Variants in KHDRBS2 observed in about 807,000 individuals in gnomAD.
KHDRBS2 encodes the protein KH RNA binding domain containing, signal transduction associated 2, also known as KH domain-containing, RNA-binding, signal transduction-associated protein 2.
In KHDRBS2, 26 loss-of-function variants were observed where a neutral mutation model predicts 44.3. The ratio of observed to expected loss-of-function variants is 0.59; its 90% CI spans 0.43 to 0.81. KHDRBS2 has a LOEUF of 0.81. Ranked by LOEUF, KHDRBS2 falls within the 40% of genes least tolerant of loss-of-function variation. The pLI is 0.00. For missense variants in KHDRBS2, 476 were observed against 433.1 expected (o/e 1.10, Z -0.88); for synonymous variants, 194 against 151.1 (o/e 1.28, Z -2.08).
chr6:62,105,045 G>C (rs570633205), intron 2 of KHDRBS2, among the ~76,000 whole-genome samples: 2 of 152,032 alleles, frequency 1.3e-5, no homozygotes, highest in Non-Finnish European at 2.9e-5. Context: ...AGAAAACGTG[G>C]ACAAATTCAT....
At chr6:61,888,208 C>T (rs1410625497) in intron 6 of KHDRBS2, among the ~76,000 whole-genome samples, 1 of 152,202 alleles carries the variant, frequency 6.6e-6, no homozygotes, top group East Asian at 1.9e-4. Flanking sequence ...CTTCTCCCCT[C>T]CTCTACCTTT....
At chr6:61,957,570 C>T (rs1352779505) in intron 4 of KHDRBS2, among the ~76,000 whole-genome samples, 2 of 152,184 alleles carry the variant, frequency 1.3e-5, no homozygotes, top group African/African-American at 4.8e-5. Flanking sequence ...TCCCGTAGTG[C>T]TCCCAGGCTC....
At chr6:62,094,041 C>A (rs1256649346) in intron 2 of KHDRBS2, among the ~76,000 whole-genome samples, 5 of 151,756 alleles carry the variant, frequency 3.3e-5, no homozygotes, top group Non-Finnish European at 7.4e-5. Flanking sequence ...GGATATAATA[C>A]CCAGTAGCGG....
At chr6:61,787,929 G>A (rs975150978) in intron 6 of KHDRBS2, among the ~76,000 whole-genome samples, 11 of 151,536 alleles carry the variant, frequency 7.3e-5, no homozygotes, top group Admixed American at 1.3e-4. Flanking sequence ...GTTACTTTAT[G>A]CATAGTTCTG....
chr6:61,798,760 T>C (rs898133859), intron 6 of KHDRBS2, among the ~76,000 whole-genome samples: 3 of 152,026 alleles, frequency 2.0e-5, no homozygotes, highest in African/African-American at 7.2e-5. Flanking sequence ...TCCAGTGCTT[T>C]TACTCTCAAA....
At position 61,999,526 on chromosome 6, in the gene KHDRBS2, T is replaced by C. The variant is rs7768811; in HGVS notation, c.337-21314A>G. ...CCAAAAACACATCCTTTGGATGTGT[T>C]ATGGCACATACCTTTGGATTTTGTG... On this transcript the variant is annotated intron_variant, in intron 3 of 8. Transcript: ENST00000281156. Among the ~76,000 whole-genome samples the C allele has an allele frequency of 6.3e-3, 964 of 152,210 alleles. 6 individuals are homozygous for C. Among genetic ancestry groups the C allele is most frequent in the African/African-American group, 0.021 (886 of 41,552 alleles).
At chr6:61,879,644 A>G (rs140853577) in intron 6 of KHDRBS2, among the ~76,000 whole-genome samples, 103 of 152,082 alleles carry the variant, frequency 6.8e-4, no homozygotes, top group Non-Finnish European at 1.3e-3. Flanking sequence ...CATAAACATT[A>G]AAGTAAATTT....
At chr6:62,051,171 T>C (rs1788944537) in intron 2 of KHDRBS2, among the ~76,000 whole-genome samples, 2 of 152,048 alleles carry the variant, frequency 1.3e-5, no homozygotes, top group African/African-American at 4.8e-5. Flanking sequence ...AAATGCTCTA[T>C]ATTTGTTGGA....
At chr6:62,195,456 A>C (rs1445103662) in intron 1 of KHDRBS2, among the ~76,000 whole-genome samples, 1 of 152,164 alleles carries the variant, frequency 6.6e-6, no homozygotes, top group Non-Finnish European at 1.5e-5. Flanking sequence ...ATTTTTAATA[A>C]AATAAACTTA....
At chr6:61,881,433 A>G (rs560998254) in intron 6 of KHDRBS2, among the ~76,000 whole-genome samples, 1 of 152,044 alleles carries the variant, frequency 6.6e-6, no homozygotes, top group Non-Finnish European at 1.5e-5. Flanking sequence ...ATTCTATATA[A>G]ATTCTAGAGA....
At chr6:61,641,010 AC>A in the KHDRBS2 span, among the ~76,000 whole-genome samples, 5 of 151,836 alleles carry the variant, frequency 3.3e-5, no homozygotes, top group Non-Finnish European at 7.4e-5. Flanking sequence ...GCTCAAAACC[AC>A]CCCCACAAAA....
chr6:61,919,738 A>C (rs1562442916), intron 4 of KHDRBS2, among the ~76,000 whole-genome samples: 1 of 151,904 alleles, frequency 6.6e-6, no homozygotes, highest in African/African-American at 2.4e-5. Flanking sequence ...ACAACAAAAA[A>C]AAACCCCACC....
At chr6:61,830,575 C>T (rs1344638982) in intron 6 of KHDRBS2, among the ~76,000 whole-genome samples, 2 of 152,168 alleles carry the variant, frequency 1.3e-5, no homozygotes, top group African/African-American at 2.4e-5. Context: ...AGTTTTGAAG[C>T]TTTTAATTCC....
At chr6:61,612,793 C>A in the KHDRBS2 span, among the ~76,000 whole-genome samples, 6 of 151,250 alleles carry the variant, frequency 4.0e-5, no homozygotes, top group East Asian at 1.2e-3. Context: ...CACCACCACA[C>A]CTCTTCTCCA....
At chr6:61,946,767 G>A (rs1583664336) in intron 4 of KHDRBS2, among the ~76,000 whole-genome samples, 1 of 152,140 alleles carries the variant, frequency 6.6e-6, no homozygotes, top group East Asian at 1.9e-4. Flanking sequence ...CTAAGGAGAT[G>A]TAGCTACTGC....
At chr6:61,915,619 T>A (rs1281799022) in intron 4 of KHDRBS2, among the ~76,000 whole-genome samples, 1 of 152,048 alleles carries the variant, frequency 6.6e-6, no homozygotes, top group Non-Finnish European at 1.5e-5. Context: ...TTGCTTTCCA[T>A]GCCATCTCAT....
At chr6:62,001,227 A>G (rs1383784175) in intron 3 of KHDRBS2, among the ~76,000 whole-genome samples, 1 of 152,166 alleles carries the variant, frequency 6.6e-6, no homozygotes, top group Non-Finnish European at 1.5e-5. Context: ...TAGTGGAGTT[A>G]ATGGGTCAGT....
chr6:61,734,193 A>T (rs1234658722), intron 6 of KHDRBS2, among the ~76,000 whole-genome samples: 1 of 152,056 alleles, frequency 6.6e-6, no homozygotes, highest in Admixed American at 6.6e-5. Context: ...TCTAACTTCC[A>T]TCTCTTGTCA....
chr6:61,635,409 G>A, the KHDRBS2 span, among the ~76,000 whole-genome samples: 9 of 151,988 alleles, frequency 5.9e-5, no homozygotes, highest in Admixed American at 1.3e-4. Flanking sequence ...GTCTGCAAAT[G>A]AAAGGATTTA....
Sources: gnomAD v4.1 joint callset for allele counts (sites outside exome capture counted in the v4.1 genomes callset) on GRCh38, gnomAD v4.1.1 for gene constraint, MANE v1.5 for transcripts, NCBI Gene and HGNC (gene_info 2026-07-23, HGNC 2026-07-21) for gene names.